The following SPTBN1 variants were observed in gnomAD, a reference collection of about 807,000 sequenced individuals.
SPTBN1 encodes spectrin beta, non-erythrocytic 1.
In SPTBN1, 32 loss-of-function variants were observed where a neutral mutation model predicts 266.4. That is an observed-to-expected ratio of 0.12 (90% CI 0.09 to 0.16). The LOEUF is 0.16. Among genes scored for constraint, SPTBN1 ranks in the 10% least tolerant of loss-of-function variants. The pLI is 1.00. For synonymous variants in SPTBN1, 1,336 were observed against 1,162.2 expected, an observed-to-expected ratio of 1.15 and a Z score of -3.04; for missense variants, 2,296 against 3,067.1, an observed-to-expected ratio of 0.75 and a Z score of 5.94.
Position 54,594,833 on chromosome 2 carries a change from C to CTT in SPTBN1, c.149-4242_149-4241dup, listed in dbSNP as rs71408777. Among the ~76,000 whole-genome samples, 45 of 104,676 alleles carry CTT rather than the reference C, an allele frequency of 4.3e-4. 1 individual carries two copies. The highest frequency in any genetic ancestry group is 6.5e-3 in the Middle Eastern group (1 of 154). 68.7% of individuals were successfully genotyped at this position (104,676 alleles called of 152,430 possible). ...GATTCCATGACCCTCTGGTAAGTTT[C>CTT]TTTTTTTTTTTTTTTTTTGAGACAG... On this transcript the variant is annotated intron_variant, in intron 2 of 35. Coordinates refer to ENST00000356805, the MANE Select transcript of SPTBN1 (RefSeq NM_003128.3).
At chr2:54,611,589 C>A (rs60115536) in intron 3 of SPTBN1, among the ~76,000 whole-genome samples, 1,915 of 152,144 alleles carry the variant, frequency 0.013, 38 homozygotes, top group African/African-American at 0.044. Flanking sequence ...ATTTAAATTG[C>A]ACTACACTCA....
chr2:54,606,524 C>T (rs952955321), intron 3 of SPTBN1, among the ~76,000 whole-genome samples: 1 of 152,198 alleles, frequency 6.6e-6, no homozygotes, highest in East Asian at 1.9e-4. Flanking sequence ...GCCCCTGCAC[C>T]TTTCTTAGAG....
rs1175537360 is a variant in SPTBN1, at chr2:54,533,894, T to A, written c.148+7328T>A. ...GGAAAGATTGATCTCTCTCTCTGTC[T>A]CTCTCTCACACACACACACACACAC... is the stretch of plus-strand genomic sequence containing the variant. On this transcript the variant is annotated intron_variant, in intron 2 of 35. Coordinates refer to ENST00000356805, the MANE Select transcript of SPTBN1 (RefSeq NM_003128.3). The surrounding 1 kb of genome is among the most constrained non-coding windows in gnomAD (Gnocchi z 4.2). Among the ~76,000 whole-genome samples the A allele has an allele frequency of 9.3e-6, 1 of 106,992 alleles. No homozygotes were observed. The highest frequency in any genetic ancestry group is 2.3e-4 in the East Asian group (1 of 4,276). 70.2% of individuals were successfully genotyped at this position (106,992 alleles called of 152,430 possible). A position where few individuals can be genotyped will look rare whatever the true frequency, so the allele number is the denominator to read the frequency against.
intron 7 of SPTBN1, among the ~76,000 whole-genome samples, chr2:54,618,708 T>C (rs755594055): frequency 1.3e-4 from 20 of 152,164 alleles, no homozygotes; most frequent in Admixed American, 2.0e-4. Flanking sequence ...TGGGTGGAGA[T>C]TGCAGGCAGG....
chr2:54,599,588 C>T (rs571028168), intron 3 of SPTBN1, among the ~76,000 whole-genome samples: 4 of 152,314 alleles, frequency 2.6e-5, no homozygotes, highest in African/African-American at 7.2e-5. Flanking sequence ...GTCCCACATG[C>T]GATGATGGAA....
chr2:54,522,697 G>GAGAGAGAGAGAAAGAGAA (rs1553439438), intron 1 of SPTBN1, among the ~76,000 whole-genome samples: 36 of 97,326 alleles, frequency 3.7e-4, no homozygotes, highest in Non-Finnish European at 6.2e-4. Context: ...GAGAGAGAGA[G>GAGAGAGAGAGAAAGAGAA]AGAAAGAAAG....
At chr2:54,615,753 G>C (rs1191040494) in intron 4 of SPTBN1, among the ~76,000 whole-genome samples, 1 of 152,232 alleles carries the variant, frequency 6.6e-6, no homozygotes, top group Non-Finnish European at 1.5e-5. Context: ...TGGAAGCACA[G>C]CGTTTAAGCC....
chr2:54,645,082 A>C lies in SPTBN1; in HGVS notation c.4270-147A>C, dbSNP rs1679830798. 1.4e-6 allele frequency: 1 copy of C among 733,668 alleles called. No individual in the cohort carries two copies. The allele number at this position is 733,668 out of a possible 1,614,324, so 45.4% of individuals were successfully genotyped here. On this transcript the variant is annotated intron_variant, in intron 20 of 35. Coordinates refer to ENST00000356805, the MANE Select transcript of SPTBN1 (RefSeq NM_003128.3). This position sits in a 1 kb window ranked among gnomAD's most constrained non-coding sequence, Gnocchi z 4.3. ...CTTGAAAACAGTTCCATTGATGTTG[A>C]AAAGCAAGTCAGTGGCAAAATGTTT...
intron 7 of SPTBN1, among the ~76,000 whole-genome samples, chr2:54,619,340 T>C (rs1355993371): frequency 1.3e-5 from 2 of 152,258 alleles, no homozygotes; most frequent in East Asian, 1.9e-4. Flanking sequence ...TAAATCTTCA[T>C]GCTTAACCCC....
intron 1 of SPTBN1, among the ~76,000 whole-genome samples, chr2:54,480,167 G>A (rs1005184113): frequency 3.3e-5 from 5 of 152,150 alleles, no homozygotes; most frequent in African/African-American, 1.2e-4. Flanking sequence ...CTGGGTATTG[G>A]GACACTCATT....
chr2:54,459,508 C>T (rs1573191143), intron 1 of SPTBN1, among the ~76,000 whole-genome samples: 2 of 152,312 alleles, frequency 1.3e-5, no homozygotes, highest in East Asian at 3.9e-4. Context: ...CTAACATAGA[C>T]ATGATTAGTG....
At chr2:54,639,033 CTT>C (rs1679353662) in intron 18 of SPTBN1, among the ~76,000 whole-genome samples, 1 of 152,228 alleles carries the variant, frequency 6.6e-6, no homozygotes, top group African/African-American at 2.4e-5. Context: ...GGTCTGTCAA[CTT>C]TAAGCACCAC....
rs896592935 is a variant in SPTBN1 at position 54,630,832 on chromosome 2, G to A, written c.2808-23G>A. On this transcript the variant is annotated intron_variant, in intron 15 of 35. Coordinates refer to ENST00000356805, the MANE Select transcript of SPTBN1 (RefSeq NM_003128.3). ...GGTCAGTCTTCCCTTTTTCACACTC[G>A]CTGTCTGCCCCTGCACTCACAGGTG... 22 of 1,534,516 alleles carry A rather than the reference G, an allele frequency of 1.4e-5. No individual in the cohort carries two copies. In the Admixed American group the frequency reaches 1.8e-4, roughly 13 times the overall value.
chr2:54,595,977 A>T lies in SPTBN1; in HGVS notation c.149-3115A>T, dbSNP rs142199068. Among the ~76,000 whole-genome samples the T allele has an allele frequency of 9.9e-4, 147 of 148,702 alleles. 1 individual carries two copies. Among genetic ancestry groups the T allele is most frequent in the African/African-American group, 3.8e-3 (145 of 38,618 alleles). On this transcript the variant is annotated intron_variant, in intron 2 of 35. Coordinates refer to ENST00000356805, the MANE Select transcript of SPTBN1 (RefSeq NM_003128.3). ...CTTGGGTCTAAATAACCAAACCAGT[A>T]TGGAGCTTGTAAGTGCTACCTTTTT...
At chr2:54,600,399 C>T (rs1327953450) in intron 3 of SPTBN1, among the ~76,000 whole-genome samples, 1 of 152,140 alleles carries the variant, frequency 6.6e-6, no homozygotes, top group Non-Finnish European at 1.5e-5. Flanking sequence ...CTTGTGGCCT[C>T]ATTTTCTGTG....
chr2:54,465,852 C>A (rs1242094900), intron 1 of SPTBN1, among the ~76,000 whole-genome samples: 4 of 152,032 alleles, frequency 2.6e-5, no homozygotes, highest in African/African-American at 9.6e-5. Flanking sequence ...ATAGTACTTT[C>A]TATTTTATGG....
chr2:54,645,602 CTT>C lies in SPTBN1; in HGVS notation c.4494+151_4494+152del, dbSNP rs550527515. The C allele has an allele frequency of 2.1e-5, 17 of 816,618 alleles. No individual in the cohort carries two copies. In the South Asian group the frequency reaches 2.5e-4, roughly 12 times the overall value. The allele number at this position is 816,618 out of a possible 1,614,324, so 50.6% of individuals were successfully genotyped here. ...CCACGCTCTGGATGGTCTAAAGTTT[CTT>C]TCCCTTTTCACCCTAAATGTAACTC... On this transcript the variant is annotated intron_variant, in intron 21 of 35. Coordinates refer to ENST00000356805, the MANE Select transcript of SPTBN1 (RefSeq NM_003128.3). The surrounding 1 kb of genome is among the most constrained non-coding windows in gnomAD (Gnocchi z 4.3).
intron 1 of SPTBN1, among the ~76,000 whole-genome samples, chr2:54,496,516 T>C (rs1047738078): frequency 2.0e-5 from 3 of 152,114 alleles, no homozygotes; most frequent in African/African-American, 7.2e-5. Context: ...CTTCTACATA[T>C]TATTAGAAGC....
chr2:54,583,524 A>T (rs973049752), intron 2 of SPTBN1, among the ~76,000 whole-genome samples: 4 of 152,122 alleles, frequency 2.6e-5, no homozygotes, highest in African/African-American at 9.7e-5. Flanking sequence ...TGCTAGGAAC[A>T]TGGTTTGAAA....
Sources: gnomAD v4.1 joint callset for allele counts (sites outside exome capture counted in the v4.1 genomes callset) on GRCh38, gnomAD v4.1.1 for gene constraint, Gnocchi (gnomAD v3.1) non-coding constraint, MANE v1.5 for transcripts, NCBI Gene and HGNC (gene_info 2026-07-23, HGNC 2026-07-21) for gene names.